The following UPF2 variants were observed in gnomAD, a reference collection of about 807,000 sequenced individuals.
The protein encoded by UPF2 is UPF2 regulator of nonsense mediated mRNA decay.
A neutral mutation model predicts 141.4 loss-of-function variants in UPF2; 17 were observed. The ratio of observed to expected loss-of-function variants is 0.12; its 90% CI spans 0.08 to 0.18. UPF2 has a LOEUF of 0.18. UPF2 is among the 10% of genes least tolerant of loss of function. The pLI is 1.00. For missense variants in UPF2, 1,152 were observed against 1,515.9 expected, an observed-to-expected ratio of 0.76 and a Z score of 3.99; for synonymous variants, 540 against 498.0, an observed-to-expected ratio of 1.08 and a Z score of -1.12.
At chr10:11,983,298 A>C (rs1351732142) in intron 8 of UPF2, among the ~76,000 whole-genome samples, 1 of 152,220 alleles carries the variant, frequency 6.6e-6, no homozygotes, top group Non-Finnish European at 1.5e-5. Flanking sequence ...CTGATGTTAT[A>C]TATATTAATA....
intron 9 of UPF2, among the ~76,000 whole-genome samples, chr10:11,968,584 C>A (rs889749854): frequency 8.7e-5 from 13 of 149,016 alleles, no homozygotes; most frequent in African/African-American, 3.3e-4. Flanking sequence ...AAGGAAAGAG[C>A]CAATATAATC....
chr10:11,966,613 G>A (rs540598636), intron 10 of UPF2, among the ~76,000 whole-genome samples: 10 of 152,014 alleles, frequency 6.6e-5, no homozygotes, highest in South Asian at 2.1e-4. Context: ...TAGTAGAGAC[G>A]GGGTTTCTCC....
chr10:12,020,357 T>C (rs1454077298), intron 3 of UPF2, among the ~76,000 whole-genome samples: 2 of 152,066 alleles, frequency 1.3e-5, no homozygotes, highest in Non-Finnish European at 2.9e-5. Context: ...GTTCAAGCCA[T>C]TCTCCTGCCT....
chr10:11,957,681 T>G (rs1287517000), intron 12 of UPF2, among the ~76,000 whole-genome samples: 3 of 152,022 alleles, frequency 2.0e-5, no homozygotes, highest in Admixed American at 6.5e-5. Context: ...CACACTCAGC[T>G]AATTTTTGTA....
chr10:12,017,304 AT>A (rs1390910813), intron 3 of UPF2, among the ~76,000 whole-genome samples: 1 of 152,222 alleles, frequency 6.6e-6, no homozygotes. Context: ...AAGTTCTGAC[AT>A]TTTGGTCATC....
At chr10:12,041,116 G>A (rs1399727377) in intron 1 of UPF2, among the ~76,000 whole-genome samples, 1 of 151,970 alleles carries the variant, frequency 6.6e-6, no homozygotes, top group East Asian at 1.9e-4. Context: ...GTTTTATGTC[G>A]ACTTAAAAAA....
intron 3 of UPF2, among the ~76,000 whole-genome samples, chr10:12,018,480 C>T (rs770280420): frequency 9.2e-5 from 14 of 152,062 alleles, no homozygotes; most frequent in Non-Finnish European, 1.8e-4. Flanking sequence ...ACTCAGGAGG[C>T]TGAGGTAGGA....
chr10:11,954,806 T>C (rs1833123845), intron 14 of UPF2, among the ~76,000 whole-genome samples: 1 of 148,238 alleles, frequency 6.7e-6, no homozygotes, highest in Admixed American at 6.7e-5. Flanking sequence ...CAAGACCCCA[T>C]TTCTATTTAA....
Position 11,997,727 on chromosome 10 carries a change from T to C in UPF2, c.1789A>G (p.Thr597Ala), listed in dbSNP as rs1833886540. The C allele has an allele frequency of 1.4e-5, 23 of 1,613,862 alleles. No homozygotes were observed. The highest frequency in any genetic ancestry group is 1.9e-5 in the Non-Finnish European group (23 of 1,179,860). ...AAMDFCMNMN[T>A]KANRKKLVRA... Reference sequence around the variant, plus strand: ...ACCAACTTCTTCCTGTTTGCTTTTGTGTTCATGTTCATGCAAAAATCCATT... The same window carrying C: ...ACCAACTTCTTCCTGTTTGCTTTTGCGTTCATGTTCATGCAAAAATCCATT... The change falls in exon 8 of 22, where the codon ACA becomes GCA. Residue 597 changes from threonine (T) to alanine (A), a missense_variant. Coordinates refer to ENST00000357604, the MANE Select transcript of UPF2 (RefSeq NM_015542.4).
chr10:11,990,719 T>A (rs1327824318), intron 8 of UPF2, among the ~76,000 whole-genome samples: 3 of 145,944 alleles, frequency 2.1e-5, no homozygotes, highest in Non-Finnish European at 3.0e-5. Context: ...CCAGGCCCAG[T>A]GGCTCACGCC....
In UPF2 at chr10:11,955,668, T is replaced by G. The variant is rs563486766; in HGVS notation, c.2575-161A>C. On this transcript the variant is annotated intron_variant, in intron 13 of 21. Transcript: ENST00000357604. ...TAAACTGGTTACTTCTAGGTGTCCT[T>G]TTCTCTCTCTAGGAAATGGCTATCT... Among the ~76,000 whole-genome samples, 4 of 152,302 alleles carry G rather than the reference T, an allele frequency of 2.6e-5. No individual in the cohort carries two copies. In the East Asian group the frequency reaches 7.7e-4, roughly 29 times the overall value.
intron 9 of UPF2, among the ~76,000 whole-genome samples, chr10:11,973,456 G>A (rs1352959237): frequency 1.3e-5 from 2 of 152,166 alleles, no homozygotes; most frequent in African/African-American, 4.8e-5. Context: ...TGAAGTCCTT[G>A]TCCATGCCTA....
intron 9 of UPF2, among the ~76,000 whole-genome samples, chr10:11,975,120 G>A (rs531170709): frequency 4.6e-5 from 7 of 152,296 alleles, no homozygotes; most frequent in African/African-American, 1.7e-4. Flanking sequence ...CCCCAGTCAG[G>A]CGTGTTGGCA....
intron 19 of UPF2, among the ~76,000 whole-genome samples, chr10:11,934,883 C>G (rs747916029): frequency 6.6e-6 from 1 of 152,094 alleles, no homozygotes; most frequent in African/African-American, 2.4e-5. Context: ...CCACTATGCC[C>G]GGCCACACAC....
In UPF2 at chr10:11,992,056, G is replaced by A. The variant is rs900193889; in HGVS notation, c.1844+5616C>T. On this transcript the variant is annotated intron_variant, in intron 8 of 21. Transcript: ENST00000357604. This position sits in a 1 kb window ranked among gnomAD's most constrained non-coding sequence, Gnocchi z 4.1. The stretch of plus-strand genomic sequence containing the variant: ...AGCTACTCAGGAGCCTGAGGCAGAA[G>A]AATCGCTTGAACTGGAGGCAGAGGT... Among the ~76,000 whole-genome samples, 1 of 151,986 alleles carries A rather than the reference G, an allele frequency of 6.6e-6. No homozygotes were observed. The highest frequency in any genetic ancestry group is 1.5e-5 in the Non-Finnish European group (1 of 68,024).
intron 3 of UPF2, among the ~76,000 whole-genome samples, chr10:12,022,191 T>G (rs779513329): frequency 6.7e-6 from 1 of 149,994 alleles, no homozygotes; most frequent in Non-Finnish European, 1.5e-5. Context: ...GAGGGCAGAT[T>G]GTGTGAGCTC....
chr10:12,005,646 G>T (rs2131272419), intron 4 of UPF2, among the ~76,000 whole-genome samples: 1 of 152,264 alleles, frequency 6.6e-6, no homozygotes, highest in African/African-American at 2.4e-5. Context: ...TCAGCTCACT[G>T]CAACCTCCAC....
At position 12,039,623 on chromosome 10, in the gene UPF2, T is replaced by C. The variant is rs1416907901; in HGVS notation, c.-19+3132A>G. ...TTACAATTATGTCTCTCTCTCTCTC[T>C]TTTTTTTTTTTTTTTTGAGATGGAG... On this transcript the variant is annotated intron_variant, in intron 1 of 21. Coordinates refer to ENST00000357604, the MANE Select transcript of UPF2 (RefSeq NM_015542.4). Among the ~76,000 whole-genome samples, 11 of 100,658 alleles carry C rather than the reference T, an allele frequency of 1.1e-4. No homozygotes were observed. The East Asian group carries it at 1.4e-3, about 13-fold the overall frequency. 66.0% of individuals were successfully genotyped at this position (100,658 alleles called of 152,430 possible).
chr10:12,027,838 T>C (rs1034976152), intron 3 of UPF2, among the ~76,000 whole-genome samples: 1 of 152,208 alleles, frequency 6.6e-6, no homozygotes, highest in Non-Finnish European at 1.5e-5. Context: ...CACAGACTTA[T>C]GAAACTAGAA....
Sources: allele counts gnomAD v4.1 joint callset (sites outside exome capture counted in the v4.1 genomes callset), GRCh38; gene constraint gnomAD v4.1.1; non-coding constraint Gnocchi (gnomAD v3.1); transcripts MANE v1.5; gene names NCBI Gene and HGNC (gene_info 2026-07-23, HGNC 2026-07-21).